PRIMA1: variants seen among roughly 807,000 people sequenced by gnomAD.
PRIMA1 encodes the protein proline-rich membrane anchor 1.
A neutral mutation model predicts 17.5 loss-of-function variants in PRIMA1; 7 were observed. The ratio of observed to expected loss-of-function variants is 0.40; its 90% CI spans 0.23 to 0.75. The LOEUF (loss-of-function observed/expected upper bound fraction) is 0.75. Ranked by LOEUF, PRIMA1 falls within the 30% of genes least tolerant of loss-of-function variation. PRIMA1 has a pLI of 0.37. For missense variants in PRIMA1, 200 were observed against 201.8 expected (o/e 0.99, Z 0.05); for synonymous variants, 97 against 77.9 (o/e 1.25, Z -1.29).
intron 3 of PRIMA1, among the ~76,000 whole-genome samples, chr14:93,747,744 A>G (rs981804986): frequency 1.6e-4 from 23 of 145,830 alleles, no homozygotes; most frequent in African/African-American, 4.9e-4. Flanking sequence ...GCGAGTGGGA[A>G]GTGTGTGGAG....
At chr14:93,765,057 G>A (rs1188746400) in intron 3 of PRIMA1, among the ~76,000 whole-genome samples, 3 of 151,684 alleles carry the variant, frequency 2.0e-5, no homozygotes, top group Admixed American at 6.6e-5. Context: ...TCCCTTCCCC[G>A]TTGAGTCCCC....
At chr14:93,772,911 T>C (rs946771401) in intron 3 of PRIMA1, among the ~76,000 whole-genome samples, 2 of 152,202 alleles carry the variant, frequency 1.3e-5, no homozygotes, top group African/African-American at 4.8e-5. Flanking sequence ...ACTGCTTGCA[T>C]TAGAATTATT....
chr14:93,781,054 T>C (rs1885363365), intron 2 of PRIMA1, among the ~76,000 whole-genome samples: 1 of 152,152 alleles, frequency 6.6e-6, no homozygotes. Flanking sequence ...GGAGAAGTAA[T>C]GTGGGTAATG....
At chr14:93,747,448 C>T (rs1030607599) in intron 3 of PRIMA1, among the ~76,000 whole-genome samples, 2 of 152,240 alleles carry the variant, frequency 1.3e-5, no homozygotes, top group Admixed American at 1.3e-4. Flanking sequence ...GCACAACTCG[C>T]GGTTCAAGTT....
intron 3 of PRIMA1, among the ~76,000 whole-genome samples, chr14:93,748,920 C>G (rs556218314): frequency 2.0e-5 from 3 of 152,028 alleles, no homozygotes; most frequent in Non-Finnish European, 2.9e-5. Flanking sequence ...CAGCTTTTCC[C>G]GGTGCAAGGG....
intron 3 of PRIMA1, among the ~76,000 whole-genome samples, chr14:93,761,700 A>G (rs899370413): frequency 3.9e-5 from 6 of 151,916 alleles, no homozygotes; most frequent in Non-Finnish European, 5.9e-5. Flanking sequence ...AATCATCCCT[A>G]TATCTCCAGC....
rs533016483 is a variant in PRIMA1, at chr14:93,726,094, A to G, written c.360-4548T>C. ...GGAGGGTGGGCTCTGCCACCTTCAG[A>G]CTTCTTGTCCCCTGCCCTGGGCTTG... On this transcript the variant is annotated intron_variant, in intron 4 of 4. Transcript: ENST00000393140. This position sits in a 1 kb window ranked among gnomAD's most constrained non-coding sequence, Gnocchi z 4.2. 7.5e-5 allele frequency: 34 copies of G among 455,798 alleles called. No homozygotes were observed. The highest frequency in any genetic ancestry group is 1.4e-4 in the Non-Finnish European group (31 of 226,628). The allele number at this position is 455,798 out of a possible 1,614,324, so 28.2% of individuals were successfully genotyped here. A position where few individuals can be genotyped will look rare whatever the true frequency, so the allele number is the denominator to read the frequency against.
intron 4 of PRIMA1, among the ~76,000 whole-genome samples, chr14:93,728,311 G>A (rs1327902341): frequency 2.0e-5 from 3 of 152,304 alleles, no homozygotes; most frequent in East Asian, 1.9e-4. Context: ...GAACTAAGAC[G>A]GCAAAGAACC....
intron 4 of PRIMA1, among the ~76,000 whole-genome samples, chr14:93,735,968 C>T (rs1483767144): frequency 6.6e-6 from 1 of 152,194 alleles, no homozygotes; most frequent in African/African-American, 2.4e-5. Flanking sequence ...GGATTACAGG[C>T]GTGAGCCACC....
At chr14:93,776,624 C>T (rs1885228884) in intron 3 of PRIMA1, among the ~76,000 whole-genome samples, 1 of 152,228 alleles carries the variant, frequency 6.6e-6, no homozygotes, top group Non-Finnish European at 1.5e-5. Flanking sequence ...CCCCACTTAA[C>T]ACCTTCGTAG....
chr14:93,769,861 A>G (rs140760457), intron 3 of PRIMA1, among the ~76,000 whole-genome samples: 43 of 152,256 alleles, frequency 2.8e-4, no homozygotes, highest in African/African-American at 1.0e-3. Context: ...GGCAGCAGCT[A>G]AAACACACTG....
At chr14:93,756,072 G>A (rs1368506668) in intron 3 of PRIMA1, among the ~76,000 whole-genome samples, 1 of 152,118 alleles carries the variant, frequency 6.6e-6, no homozygotes, top group Non-Finnish European at 1.5e-5. Flanking sequence ...AGACAATAGA[G>A]AAATCTGGAT....
intron 2 of PRIMA1, among the ~76,000 whole-genome samples, chr14:93,785,712 C>T (rs1351178147): frequency 1.3e-5 from 2 of 152,178 alleles, no homozygotes; most frequent in South Asian, 2.1e-4. Context: ...ACCCCTTTCC[C>T]TTGATTTCCC....
intron 3 of PRIMA1, among the ~76,000 whole-genome samples, chr14:93,748,483 CGT>C (rs1454356155): frequency 1.3e-5 from 2 of 152,146 alleles, no homozygotes; most frequent in African/African-American, 4.8e-5. Context: ...GAGGAGGCGA[CGT>C]TCAAGCTGAG....
At chr14:93,779,457 C>CAAA in intron 2 of PRIMA1, 146 bp from the exon 3 acceptor site, 5 of 676,798 alleles carry the variant, frequency 7.4e-6, no homozygotes, top group Non-Finnish European at 1.2e-5. Context: ...CAACAGAAGT[C>CAAA]GGATTGGTTC....
intron 2 of PRIMA1, among the ~76,000 whole-genome samples, chr14:93,782,283 A>ATAC (rs1566979282): frequency 0.012 from 1,860 of 151,068 alleles, 44 homozygotes; most frequent in African/African-American, 0.041. Context: ...TAAATAAATA[A>ATAC]ATAAATAAAT....
chr14:93,757,844 C>T (rs2076301040), intron 3 of PRIMA1, among the ~76,000 whole-genome samples: 1 of 152,242 alleles, frequency 6.6e-6, no homozygotes, highest in Admixed American at 6.5e-5. Flanking sequence ...AGGCCAAGAA[C>T]TTGAAGAGAA....
intron 3 of PRIMA1, among the ~76,000 whole-genome samples, chr14:93,751,791 A>T (rs2076261022): frequency 6.6e-6 from 1 of 152,234 alleles, no homozygotes; most frequent in African/African-American, 2.4e-5. Flanking sequence ...TGGCTCTGGG[A>T]CAAAACCATA....
At chr14:93,775,569 G>A (rs1338993704) in intron 3 of PRIMA1, among the ~76,000 whole-genome samples, 1 of 152,180 alleles carries the variant, frequency 6.6e-6, no homozygotes, top group African/African-American at 2.4e-5. Flanking sequence ...TGCAATCTTG[G>A]CTCACTGCAA....
Sources: gnomAD v4.1 joint callset for allele counts (sites outside exome capture counted in the v4.1 genomes callset) on GRCh38, gnomAD v4.1.1 for gene constraint, Gnocchi (gnomAD v3.1) non-coding constraint, MANE v1.5 for transcripts, NCBI Gene and HGNC (gene_info 2026-07-23, HGNC 2026-07-21) for gene names.